Variants in PKD1 observed in about 807,000 individuals in gnomAD.
PKD1 encodes polycystin-1.
PKD1 carries 81 observed loss-of-function variants against 361.7 expected under a neutral mutation model. The ratio of observed to expected loss-of-function variants is 0.22; its 90% CI spans 0.19 to 0.27. The LOEUF (loss-of-function observed/expected upper bound fraction) is 0.27, where lower values mean the gene tolerates loss of function less well. PKD1 is among the 10% of genes least tolerant of loss of function. The pLI, the probability that PKD1 is intolerant of heterozygous loss-of-function variation, is 1.00. For missense variants in PKD1, 6,399 were observed against 6,118.3 expected (o/e 1.05, Z -1.53); for synonymous variants, 3,615 against 2,818.3 (o/e 1.28, Z -8.95).
rs1490071914 is a variant in PKD1, at chr16:2,125,616, A to G, written c.216-6238T>C. On this transcript the variant is annotated intron_variant, in intron 1 of 45. Coordinates refer to ENST00000262304, the MANE Select transcript of PKD1 (RefSeq NM_001009944.3). Reference sequence around the variant, plus strand: ...GGGAGTCTGCGATGTCCTTGCCTACACAGATGGAAAAACACAGCCAGCTCA... The same window carrying G: ...GGGAGTCTGCGATGTCCTTGCCTACGCAGATGGAAAAACACAGCCAGCTCA... Among the ~76,000 whole-genome samples the G allele has an allele frequency of 3.9e-5, 6 of 152,130 alleles. No individual in the cohort carries two copies. In the East Asian group the frequency reaches 5.8e-4, roughly 15 times the overall value.
rs201238819 is a variant in PKD1 at position 2,104,572 on chromosome 16, A to G, written c.8087T>C (p.Leu2696Pro). ...CGCGGTGGTCTCTGCCTGCAGGATG[A>G]GCATCATGGCCTCCAGCTTGTGCAG... ...QTLHKLEAMM[L>P]ILQAETTAGT... Residue 2696 changes from leucine to proline, a missense_variant, in exon 22 of 46, where the codon CTC becomes CCC. By Grantham distance (98) the Leu-to-Pro change is moderately conservative (BLOSUM62 -3). Transcript: ENST00000262304. The G allele has an allele frequency of 2.4e-4, 389 of 1,593,812 alleles. No homozygotes were observed. Among genetic ancestry groups the G allele is most frequent in the Non-Finnish European group, 3.2e-4 (375 of 1,171,654 alleles).
rs1333245109 is a variant in PKD1, at chr16:2,097,319, C to T, written c.10405G>A (p.Asp3469Asn). 1 of 1,612,902 alleles carries T rather than the reference C, an allele frequency of 6.2e-7. No individual in the cohort carries two copies. Residue 3469 changes from aspartate (D) to asparagine (N), a missense_variant and splice_region_variant, in exon 33 of 46, where the codon GAT becomes AAT. Transcript: ENST00000262304. ...YSPAKSFSAS[D>N]EDLIQQVLAE... Reference sequence around the variant, plus strand: ...GCCCCCTCCTCTCACCCCAGCTCACCTGATGCTGAGAAGGATTTGGCAGGC... The same window carrying T: ...GCCCCCTCCTCTCACCCCAGCTCACTTGATGCTGAGAAGGATTTGGCAGGC...
chr16:2,102,151 C>T lies in PKD1; in HGVS notation c.9307G>A (p.Ala3103Thr), dbSNP rs2092122109. Residue 3103 changes from alanine (A) to threonine (T), a missense_variant, in exon 26 of 46, where the codon GCC (alanine) becomes ACC (threonine). By Grantham distance (58) the Ala-to-Thr change is moderately conservative (BLOSUM62 0). Transcript: ENST00000262304. ...AILHKLDQLD[A>T]SRGRAIPFCG... ...AAAGGGATGGCGCGGCCCCGGCTGG[C>T]ATCCAACTGGTCCAGCTTGTGCAGG... is the stretch of plus-strand genomic sequence containing the variant. 1.3e-6 allele frequency: 2 copies of T among 1,565,240 alleles called. No homozygotes were observed. The highest frequency in any genetic ancestry group is 1.5e-5 in the African/African-American group (1 of 68,866).
chr16:2,129,891 C>T (rs2092848213), intron 1 of PKD1, among the ~76,000 whole-genome samples: 1 of 151,764 alleles, frequency 6.6e-6, no homozygotes. Flanking sequence ...TCATAGTGTT[C>T]CCTGTATGAT....
rs1269268518 is a variant in PKD1, at chr16:2,113,260, G to A, written c.2886C>T (p.Asp962=). The A allele has an allele frequency of 5.7e-6, 9 of 1,578,284 alleles. 1 individual carries two copies. Among genetic ancestry groups the A allele is most frequent in the Non-Finnish European group, 7.7e-6 (9 of 1,163,924 alleles). Residue 962 remains aspartate (D), a synonymous_variant, in exon 12 of 46, where the codon GAC becomes GAT. Transcript: ENST00000262304. The stretch of plus-strand genomic sequence containing the variant: ...CGTTGATGGTCCACCGGAAGACCAT[G>A]TCCGAGCCGGCCTCCACCACGGGGC... ...RYSPVVEAGS[D]MVFRWTINDK...
rs746934285 is a variant in PKD1 at position 2,111,395 on chromosome 16, C to T, written c.3772G>A (p.Ala1258Thr). The T allele has an allele frequency of 1.2e-5, 20 of 1,611,470 alleles. No homozygotes were observed. Among genetic ancestry groups the T allele is most frequent in the Non-Finnish European group, 1.7e-5 (20 of 1,179,560 alleles). ...CGCAGGTACACATGCTCCACTGTTG[C>T]CTCCGGGCCCGACAGCACGGTGCCG... Reference protein sequence around the residue: ...GDGTVLSGPEATVEHVYLRAQ... With the variant: ...GDGTVLSGPETTVEHVYLRAQ... Residue 1258 changes from alanine (A) to threonine (T), a missense_variant, in exon 15 of 46, where the codon GCA (alanine) becomes ACA (threonine). Coordinates refer to ENST00000262304, the MANE Select transcript of PKD1 (RefSeq NM_001009944.3).
At chr16:2,094,735 C>T (rs938857203) in intron 34 of PKD1, 14 of 168,388 alleles carry the variant, frequency 8.3e-5, no homozygotes, top group Admixed American at 2.8e-4. Flanking sequence ...CAGTGACCAC[C>T]GAGGCTGTGC....
rs746126808 is a variant in PKD1, at chr16:2,091,004, G to A, written c.11883C>T (p.Arg3961=). 35 of 1,534,234 alleles carry A rather than the reference G, an allele frequency of 2.3e-5. No homozygotes were observed. The African/African-American group carries it at 3.7e-4, about 16-fold the overall frequency. The change falls in exon 43 of 46, where the codon CGC becomes CGT. Residue 3961 remains arginine (R), a synonymous_variant. Coordinates refer to ENST00000262304, the MANE Select transcript of PKD1 (RefSeq NM_001009944.3). ...GGCCGCGCACGAAACGGGTCCACTG[G>A]CGGTCAGCGGCACCCAGCTGGGCGA... ...VRLAQLGAAD[R]QWTRFVRGRP...
rs868250241 is a variant in PKD1, at chr16:2,106,054, G to A, written c.7704-30C>T. ...GAGCAGAGGGGGGTGGTGAGCAGGT[G>A]GCAGTCTCGGGGGCGCCCTCCCACG... On this transcript the variant is annotated intron_variant, in intron 19 of 45. Coordinates refer to ENST00000262304, the MANE Select transcript of PKD1 (RefSeq NM_001009944.3). This position sits in a 1 kb window ranked among gnomAD's most constrained non-coding sequence, Gnocchi z 6.5. 3.7e-6 allele frequency: 6 copies of A among 1,606,542 alleles called. No homozygotes were observed. The highest frequency in any genetic ancestry group is 1.3e-5 in the African/African-American group (1 of 74,134).
rs2091243947 is a variant in PKD1 at position 2,088,721 on chromosome 16, G to C, written c.*1006C>G. 3.5e-6 allele frequency: 5 copies of C among 1,411,910 alleles called. No individual in the cohort carries two copies. The highest frequency in any genetic ancestry group is 2.9e-5 in the African/African-American group (2 of 69,682). 87.5% of individuals were successfully genotyped at this position (1,411,910 alleles called of 1,614,324 possible). A position where few individuals can be genotyped will look rare whatever the true frequency, so the allele number is the denominator to read the frequency against. On this transcript the variant is annotated 3_prime_UTR_variant, in exon 46 of 46. Transcript: ENST00000262304. ...TAGAGGCACAGATTGCAGTCAGACA[G>C]CTCTTTTATTGACTTTGTCTGCTTG... is the stretch of plus-strand genomic sequence containing the variant.
chr16:2,093,940 G>A lies in PKD1; in HGVS notation c.10692C>T (p.Leu3564=), dbSNP rs144614222. Residue 3564 remains leucine (L), a synonymous_variant, in exon 36 of 46, where the codon CTC becomes CTT. Coordinates refer to ENST00000262304, the MANE Select transcript of PKD1 (RefSeq NM_001009944.3). ...CASLAHGLSL[L]LVAVAVAVSG... ...AGACAGCCACAGCCACAGCCACCAG[G>A]AGCAGGCTGAGCCCGTGGGCCAGGG... The A allele has an allele frequency of 2.3e-5, 36 of 1,585,622 alleles. No individual in the cohort carries two copies. Among genetic ancestry groups the A allele is most frequent in the Non-Finnish European group, 2.9e-5 (34 of 1,169,952 alleles).
At chr16:2,113,034 C>A (rs2092559706) in intron 12 of PKD1, 71 bp from the exon 13 acceptor site, 2 of 1,465,306 alleles carry the variant, frequency 1.4e-6, no homozygotes, top group African/African-American at 2.8e-5. Context: ...TCCCTCCCTC[C>A]ACTCACCCAC....
chr16:2,105,194 C>T (rs570576627), intron 21 of PKD1, 128 bp downstream of exon 21: 56 of 890,328 alleles, frequency 6.3e-5, no homozygotes, highest in Admixed American at 1.0e-4. Context: ...GACCGAGGAA[C>T]GCCATGGCAG....
chr16:2,091,323 CG>C, intron 42 of PKD1, 99 bp downstream of exon 42: 1 of 391,724 alleles, frequency 2.6e-6, no homozygotes, highest in African/African-American at 8.7e-5. Flanking sequence ...TGCGAGGGGG[CG>C]GGGCGCTGCG....
intron 1 of PKD1, among the ~76,000 whole-genome samples, chr16:2,125,446 C>A (rs1254051353): frequency 6.6e-6 from 1 of 152,230 alleles, no homozygotes; most frequent in Non-Finnish European, 1.5e-5. Context: ...GGCATTCTGT[C>A]CTTACAGATC....
rs752259928 is a variant in PKD1 at position 2,100,101 on chromosome 16, A to C, written c.9713-30T>G. 5.6e-6 allele frequency: 9 copies of C among 1,603,962 alleles called. No homozygotes were observed. The highest frequency in any genetic ancestry group is 2.3e-4 in the Middle Eastern group (1 of 4,416). On this transcript the variant is annotated intron_variant, in intron 28 of 45. Coordinates refer to ENST00000262304, the MANE Select transcript of PKD1 (RefSeq NM_001009944.3). This position sits in a 1 kb window ranked among gnomAD's most constrained non-coding sequence, Gnocchi z 4.4. Reference sequence around the variant, plus strand: ...AAGGCAGGGAGGGCCGCACTGCAGGAGGCCACGGGGCAGGACCACCCTGCC... The same window carrying C: ...AAGGCAGGGAGGGCCGCACTGCAGGCGGCCACGGGGCAGGACCACCCTGCC...
chr16:2,105,492 C>G lies in PKD1; in HGVS notation c.7864-18G>C. 4 of 1,595,202 alleles carry G rather than the reference C, an allele frequency of 2.5e-6. No homozygotes were observed. Among genetic ancestry groups the G allele is most frequent in the Non-Finnish European group, 3.4e-6 (4 of 1,179,064 alleles). Reference sequence around the variant, plus strand: ...CGCTCGTACTGGGGCAGGCAGGGGGCACAGCAAGCTGTCAGCAGCGCAGGA... The same window carrying G: ...CGCTCGTACTGGGGCAGGCAGGGGGGACAGCAAGCTGTCAGCAGCGCAGGA... On this transcript the variant is annotated intron_variant, in intron 20 of 45. Transcript: ENST00000262304.
At position 2,115,381 on chromosome 16, in the gene PKD1, G is replaced by A. The variant is rs748099383; in HGVS notation, c.2094C>T (p.Tyr698=). 6.5e-7 allele frequency: 1 copy of A among 1,533,840 alleles called. No homozygotes were observed. Among genetic ancestry groups the A allele is most frequent in the African/African-American group, 1.4e-5 (1 of 73,188 alleles). The change falls in exon 10 of 46, where the codon TAC becomes TAT. Residue 698 remains tyrosine, a synonymous_variant. Coordinates refer to ENST00000262304, the MANE Select transcript of PKD1 (RefSeq NM_001009944.3). ...FSVPAGPPAQ[Y]SVTLHGQDVL... ...GACCCAGGTCAGGGCCACACACCGA[G>A]TACTGCGCGGGGGGCCCCGCGGGAA... is the stretch of plus-strand genomic sequence containing the variant.
At position 2,091,831 on chromosome 16, in the gene PKD1, C is replaced by T; in HGVS notation, c.11487G>A (p.Glu3829=). ...GCAGGAAGCGCAGCCGGTCGCGGCT[C>T]TCCTCCAGGCTCAGGCCCAGCTCCT... ...YVQELGLSLE[E]SRDRLRFLQL... is the part of the protein sequence containing the mutation. Residue 3829 remains glutamate, a synonymous_variant, in exon 41 of 46, where the codon GAG becomes GAA. Transcript: ENST00000262304. The T allele has an allele frequency of 6.2e-7, 1 of 1,610,154 alleles. No homozygotes were observed. Among genetic ancestry groups the T allele is most frequent in the Non-Finnish European group, 8.5e-7 (1 of 1,179,090 alleles).
Sources: allele counts gnomAD v4.1 joint callset (sites outside exome capture counted in the v4.1 genomes callset), GRCh38; gene constraint gnomAD v4.1.1; non-coding constraint Gnocchi (gnomAD v3.1); transcripts MANE v1.5; gene names NCBI Gene and HGNC (gene_info 2026-07-23, HGNC 2026-07-21).